Variants in NLRP13 observed in about 807,000 individuals in gnomAD.
The protein encoded by NLRP13 is NLR family pyrin domain containing 13.
Under a neutral mutation model 94.4 loss-of-function variants are expected in NLRP13, and 82 were observed. That is an observed-to-expected ratio of 0.87 (90% CI 0.73 to 1.04). The LOEUF (loss-of-function observed/expected upper bound fraction) is 1.04, where lower values mean the gene tolerates loss of function less well. NLRP13 is among the 50% of genes least tolerant of loss of function. The pLI, the probability that NLRP13 is intolerant of heterozygous loss-of-function variation, is 0.00. For synonymous variants in NLRP13, 553 were observed against 464.7 expected, an observed-to-expected ratio of 1.19 and a Z score of -2.45; for missense variants, 1,426 against 1,230.8, an observed-to-expected ratio of 1.16 and a Z score of -2.37.
intron 1 of NLRP13, 50 bp from the exon 2 acceptor site, chr19:55,925,085 G>A (rs368368512): frequency 5.9e-6 from 9 of 1,535,346 alleles, no homozygotes; most frequent in Non-Finnish European, 8.1e-6. Flanking sequence ...ACTGAAAATG[G>A]ACCAGCAATA....
chr19:55,892,989 A>G (rs1200101820), downstream of NLRP13, among the ~76,000 whole-genome samples: 1 of 152,204 alleles, frequency 6.6e-6, no homozygotes, highest in Non-Finnish European at 1.5e-5. Flanking sequence ...CATCAACAGC[A>G]GACTGGATGG....
chr19:55,931,709 CA>C (rs374591965), intron 1 of NLRP13, among the ~76,000 whole-genome samples: 4,928 of 85,862 alleles, frequency 0.057, 380 homozygotes, highest in African/African-American at 0.2. Context: ...GACTCAGGCT[CA>C]AAAAAAAAAA....
intron 8 of NLRP13, 36 bp downstream of exon 8, chr19:55,904,906 G>T: frequency 1.3e-6 from 2 of 1,570,662 alleles, no homozygotes; most frequent in Non-Finnish European, 1.7e-6. Flanking sequence ...TGTGCCCATA[G>T]AGTCATATCT....
intron 1 of NLRP13, among the ~76,000 whole-genome samples, chr19:55,926,452 A>G (rs770777518): frequency 1.1e-4 from 17 of 152,206 alleles, no homozygotes; most frequent in African/African-American, 3.1e-4. Flanking sequence ...CACCAGGCCT[A>G]GGCATTCCTC....
rs2123113761 is a variant in NLRP13 at position 55,905,706 on chromosome 19, G to A, written c.2448-594C>T. On this transcript the variant is annotated intron_variant, in intron 7 of 10. Coordinates refer to ENST00000342929, the MANE Select transcript of NLRP13 (RefSeq NM_176810.2). ...TTTTCTCAGCCCTATTGAGGTGTGG[G>A]CTGGATTGCACTTAGTTGCAGAATG... 3.3e-5 allele frequency among the ~76,000 whole-genome samples: 5 copies of A among 152,058 alleles called. No homozygotes were observed. In the East Asian group the frequency reaches 9.8e-4, roughly 30 times the overall value.
chr19:55,932,174 C>G lies in NLRP13; in HGVS notation c.138G>C (p.Ser46=). 1.2e-6 allele frequency: 2 copies of G among 1,614,082 alleles called. No homozygotes were observed. The highest frequency in any genetic ancestry group is 1.7e-6 in the Non-Finnish European group (2 of 1,180,000). The change falls in exon 1 of 11, where the codon TCG becomes TCC. Residue 46 remains serine (S), a synonymous_variant. Coordinates refer to ENST00000342929, the MANE Select transcript of NLRP13 (RefSeq NM_176810.2). Reference sequence around the variant, plus strand: ...TACGCGGGAAGTGCCCCTGGGGGGCCGACCAGAAGTCCATCAGCTGCTGGG... The same window carrying G: ...TACGCGGGAAGTGCCCCTGGGGGGCGGACCAGAAGTCCATCAGCTGCTGGG... ...LEPQQLMDFW[S]APQGHFPRIP...
intron 4 of NLRP13, among the ~76,000 whole-genome samples, chr19:55,915,910 G>C (rs1300992595): frequency 6.6e-6 from 1 of 152,138 alleles, no homozygotes; most frequent in Non-Finnish European, 1.5e-5. Context: ...TGCTGCAGCT[G>C]GCTCTAACCT....
intron 7 of NLRP13, among the ~76,000 whole-genome samples, chr19:55,905,419 GTA>G (rs1568690218): frequency 7.0e-6 from 1 of 143,044 alleles, no homozygotes; most frequent in Non-Finnish European, 1.5e-5. Flanking sequence ...ATATATACAC[GTA>G]TATATACACA....
At position 55,913,071 on chromosome 19, in the gene NLRP13, A is replaced by G; in HGVS notation, c.746T>C (p.Met249Thr). Reference protein sequence around the residue: ...VGKTTLAMQAMLHWANGVLFQ... With the variant: ...VGKTTLAMQATLHWANGVLFQ... ...GAGAACTCCATTTGCCCAGTGCAGC[A>G]TAGCCTGCATTGCCAAGGTGGTCTT... is the stretch of plus-strand genomic sequence containing the variant. The change falls in exon 5 of 11, where the codon ATG (methionine) becomes ACG (threonine). Residue 249 changes from methionine (M) to threonine (T), a missense_variant. Coordinates refer to ENST00000342929, the MANE Select transcript of NLRP13 (RefSeq NM_176810.2). 1 of 1,614,184 alleles carries G rather than the reference A, an allele frequency of 6.2e-7. No individual in the cohort carries two copies. The highest frequency in any genetic ancestry group is 8.5e-7 in the Non-Finnish European group (1 of 1,180,032).
At chr19:55,917,930 A>C (rs546219144) in intron 4 of NLRP13, among the ~76,000 whole-genome samples, 2 of 152,196 alleles carry the variant, frequency 1.3e-5, no homozygotes, top group East Asian at 3.9e-4. Flanking sequence ...ACACATTTAC[A>C]GAACCTTCTA....
chr19:55,908,180 C>T (rs938967251), intron 6 of NLRP13, among the ~76,000 whole-genome samples: 1 of 152,156 alleles, frequency 6.6e-6, no homozygotes, highest in Admixed American at 6.5e-5. Flanking sequence ...GGTACGAAGT[C>T]AGGGATCCCT....
intron 8 of NLRP13, among the ~76,000 whole-genome samples, chr19:55,903,210 G>T (rs921198347): frequency 9.9e-5 from 15 of 152,168 alleles, no homozygotes; most frequent in Non-Finnish European, 1.6e-4. Flanking sequence ...ACACACGTAT[G>T]ATTAACTCAC....
Position 55,912,770 on chromosome 19 carries a change from C to A in NLRP13, c.1047G>T (p.Leu349Phe), listed in dbSNP as rs751113332. The change falls in exon 5 of 11, where the codon TTG becomes TTT. Residue 349 changes from leucine (L) to phenylalanine (F), a missense_variant. Coordinates refer to ENST00000342929, the MANE Select transcript of NLRP13 (RefSeq NM_176810.2). The stretch of plus-strand genomic sequence containing the variant: ...TAGCCAGGGGAACCAATTCTTTCTT[C>A]AACAAGCTGTGTAGGATTTTGGTCA... ...LPVTKILHSL[L>F]KKELVPLATL... 32 of 1,614,058 alleles carry A rather than the reference C, an allele frequency of 2.0e-5. No individual in the cohort carries two copies. In the East Asian group the frequency reaches 6.7e-4, roughly 34 times the overall value.
rs752917279 is a variant in NLRP13 at position 55,912,463 on chromosome 19, T to C, written c.1354A>G (p.Thr452Ala). 6.2e-7 allele frequency: 1 copy of C among 1,614,172 alleles called. No homozygotes were observed. The highest frequency in any genetic ancestry group is 1.7e-5 in the Admixed American group (1 of 60,016). Residue 452 changes from threonine (T) to alanine (A), a missense_variant, in exon 5 of 11, where the codon ACC (threonine) becomes GCC (alanine). Thr to Ala is a moderately conservative substitution (Grantham distance 58). Transcript: ENST00000342929. Reference sequence around the variant, plus strand: ...AAAAAATAGGCATACAGACTGGTGGTAGTCTGAGTGATTGACTGGAGATCG... The same window carrying C: ...AAAAAATAGGCATACAGACTGGTGGCAGTCTGAGTGATTGACTGGAGATCG... The part of the protein sequence containing the change: ...YYDLQSITQT[T>A]TSLYAYFFSN...
rs1309013032 is a variant in NLRP13, at chr19:55,896,075, A to G, written c.3002T>C (p.Phe1001Ser). 1.2e-6 allele frequency: 2 copies of G among 1,614,062 alleles called. No individual in the cohort carries two copies. Among genetic ancestry groups the G allele is most frequent in the Non-Finnish European group, 1.7e-6 (2 of 1,180,030 alleles). ...GCTCTTACTGCTGCTGAGAACAGAG[A>G]AGAGATGCTGGCAGCAAGCAGTTGT... ...NLTTACCQHL[F>S]SVLSSSKSLV... The change falls in exon 11 of 11, where the codon TTC (phenylalanine) becomes TCC (serine). Residue 1001 changes from phenylalanine to serine, a missense_variant. Transcript: ENST00000342929.
intron 9 of NLRP13, among the ~76,000 whole-genome samples, chr19:55,900,895 G>A (rs1006526457): frequency 1.3e-5 from 2 of 151,970 alleles, no homozygotes; most frequent in African/African-American, 4.8e-5. Flanking sequence ...GTTGAAGTTC[G>A]AGCATGGATT....
chr19:55,926,135 C>T (rs1012213004), intron 1 of NLRP13, among the ~76,000 whole-genome samples: 4 of 152,194 alleles, frequency 2.6e-5, no homozygotes, highest in Non-Finnish European at 5.9e-5. Context: ...TGACATGTGG[C>T]ATTCCTCTGT....
At chr19:55,901,561 G>C (rs955722787) in intron 9 of NLRP13, among the ~76,000 whole-genome samples, 3 of 152,190 alleles carry the variant, frequency 2.0e-5, no homozygotes, top group Non-Finnish European at 2.9e-5. Flanking sequence ...AAGGCAGAAA[G>C]AAAGAGAAGG....
At chr19:55,907,723 C>A in intron 7 of NLRP13, 69 bp downstream of exon 7, 1 of 1,469,832 alleles carries the variant, frequency 6.8e-7, no homozygotes, top group Non-Finnish European at 9.5e-7. Context: ...TCAGCCCTCC[C>A]AGTGGATCGT....
Sources: allele counts gnomAD v4.1 joint callset (sites outside exome capture counted in the v4.1 genomes callset), GRCh38; gene constraint gnomAD v4.1.1; transcripts MANE v1.5; gene names NCBI Gene and HGNC (gene_info 2026-07-23, HGNC 2026-07-21).